CUTC: variants seen among roughly 807,000 people sequenced by gnomAD.
CUTC encodes copper homeostasis protein cutC homolog.
Under a neutral mutation model 36.2 loss-of-function variants are expected in CUTC, and 27 were observed. The observed-to-expected ratio is 0.75, with a 90% CI of 0.55 to 1.03. The LOEUF (loss-of-function observed/expected upper bound fraction) is 1.03. Ranked by LOEUF, CUTC falls within the 50% of genes least tolerant of loss-of-function variation. CUTC has a pLI of 0.00. For missense variants in CUTC, 315 were observed against 343.5 expected, an observed-to-expected ratio of 0.92 and a Z score of 0.66; for synonymous variants, 114 against 118.3, an observed-to-expected ratio of 0.96 and a Z score of 0.24.
At chr10:99,750,318 A>C in intron 6 of CUTC, 51 bp from the exon 7 acceptor site, 1 of 1,422,120 alleles carries the variant, frequency 7.0e-7, no homozygotes, top group South Asian at 1.2e-5. Flanking sequence ...TTATTATCCC[A>C]TTCAAGAGAA....
At chr10:99,750,886 T>C (rs968193508) in intron 7 of CUTC, among the ~76,000 whole-genome samples, 1 of 152,240 alleles carries the variant, frequency 6.6e-6, no homozygotes, top group Non-Finnish European at 1.5e-5. Context: ...TTTAATCATA[T>C]GATCCTGATG....
chr10:99,742,717 A>T (rs1056487315), intron 3 of CUTC, among the ~76,000 whole-genome samples: 43 of 152,290 alleles, frequency 2.8e-4, no homozygotes, highest in African/African-American at 1.0e-3. Flanking sequence ...TAAAAAAAAA[A>T]AAAAAAGGTT....
In CUTC at chr10:99,739,757, A is replaced by G. The variant is rs1435135523; in HGVS notation, c.181A>G (p.Thr61Ala). The G allele has an allele frequency of 3.1e-6, 5 of 1,610,874 alleles. No homozygotes were observed. Among genetic ancestry groups the G allele is most frequent in the African/African-American group, 1.3e-5 (1 of 74,770 alleles). Residue 61 changes from threonine to alanine, a missense_variant, in exon 3 of 9, where the codon ACA becomes GCA. By Grantham distance (58) the Thr-to-Ala change is moderately conservative. Transcript: ENST00000370476. ...TTCTGGTTTATCAGAGGGGGGAACT[A>G]CACCCAGCATGGGTAAGTGTCCATT... The part of the protein sequence containing the change: ...LCSGLSEGGT[T>A]PSMGVLQVVK...
In CUTC at chr10:99,734,910, A is replaced by C. The variant is rs2037282123; in HGVS notation, c.62-1336A>C. Reference sequence around the variant, plus strand: ...TTGAGTGCAGGAGTTTGAGACCAGCATGGGCAACATGGCGAAACCCCATCT... The same window carrying C: ...TTGAGTGCAGGAGTTTGAGACCAGCCTGGGCAACATGGCGAAACCCCATCT... On this transcript the variant is annotated intron_variant, in intron 1 of 8. Coordinates refer to ENST00000370476, the MANE Select transcript of CUTC (RefSeq NM_015960.3). 5.3e-5 allele frequency among the ~76,000 whole-genome samples: 8 copies of C among 151,900 alleles called. No individual in the cohort carries two copies. The South Asian group carries it at 1.7e-3, about 32-fold the overall frequency.
chr10:99,739,550 G>A (rs994354085), intron 2 of CUTC, among the ~76,000 whole-genome samples, 160 bp from the exon 3 acceptor site: 9 of 152,160 alleles, frequency 5.9e-5, no homozygotes, highest in African/African-American at 2.2e-4. Context: ...GCAGAGTATA[G>A]CTGAGTTAAA....
chr10:99,735,496 C>T (rs1338244909), intron 1 of CUTC, among the ~76,000 whole-genome samples: 1 of 152,176 alleles, frequency 6.6e-6, no homozygotes, highest in East Asian at 1.9e-4. Context: ...CAACCTCCAC[C>T]TCCTGGGTTC....
At chr10:99,743,426 G>C in intron 4 of CUTC, 64 bp downstream of exon 4, 1 of 1,455,622 alleles carries the variant, frequency 6.9e-7, no homozygotes, top group Non-Finnish European at 9.6e-7. Flanking sequence ...TCACAATATA[G>C]AAAAACAACA....
In CUTC at chr10:99,732,352, A is replaced by G; in HGVS notation, c.4A>G (p.Lys2Glu). Reference sequence around the variant, plus strand: ...ACGAGGGAGGAACGCGTGGAGCATGAAAAGGCAGGGGGCCTCCTCTGAGCG... The same window carrying G: ...ACGAGGGAGGAACGCGTGGAGCATGGAAAGGCAGGGGGCCTCCTCTGAGCG... M[K>E]RQGASSERKR... Residue 2 changes from lysine to glutamate, a missense_variant, in exon 1 of 9, where the codon AAA becomes GAA. Transcript: ENST00000370476. 3 of 1,552,822 alleles carry G rather than the reference A, an allele frequency of 1.9e-6. No individual in the cohort carries two copies. The highest frequency in any genetic ancestry group is 2.6e-6 in the Non-Finnish European group (3 of 1,147,876).
chr10:99,733,436 AAAGC>A (rs1374846835), intron 1 of CUTC, among the ~76,000 whole-genome samples: 1 of 152,172 alleles, frequency 6.6e-6, no homozygotes, highest in Non-Finnish European at 1.5e-5. Context: ...AACAACAAAA[AAAGC>A]AAAAGAGTGG....
At chr10:99,738,911 G>C (rs766116226) in intron 2 of CUTC, among the ~76,000 whole-genome samples, 14 of 152,092 alleles carry the variant, frequency 9.2e-5, no homozygotes, top group Non-Finnish European at 1.9e-4. Context: ...GCAAAATGGT[G>C]ACATTTATTT....
rs193300411 is a variant in CUTC, at chr10:99,746,498, C to T, written c.440-759C>T. ...CTGTATAACAAACCTGCACTTGTACCCCTGAACTTAAAAAAAAGTTAAAAA... is the reference window on the plus strand; with the variant it reads ...CTGTATAACAAACCTGCACTTGTACTCCTGAACTTAAAAAAAAGTTAAAAA... On this transcript the variant is annotated intron_variant, in intron 5 of 8. Transcript: ENST00000370476. 1.6e-4 allele frequency among the ~76,000 whole-genome samples: 25 copies of T among 151,838 alleles called. No individual in the cohort carries two copies. The East Asian group carries it at 2.5e-3, about 15-fold the overall frequency.
chr10:99,744,156 C>A, intron 5 of CUTC, 84 bp downstream of exon 5: 2 of 1,138,352 alleles, frequency 1.8e-6, no homozygotes, highest in Non-Finnish European at 2.6e-6. Flanking sequence ...TTATGGAACA[C>A]AATTCTGTAG....
intron 7 of CUTC, among the ~76,000 whole-genome samples, chr10:99,750,692 T>C (rs374610364): frequency 2.0e-5 from 3 of 152,214 alleles, no homozygotes; most frequent in East Asian, 3.8e-4. Flanking sequence ...TATAGAACTT[T>C]ATGAATTCAG....
intron 2 of CUTC, among the ~76,000 whole-genome samples, chr10:99,737,141 G>A (rs1041423116): frequency 2.0e-5 from 3 of 151,914 alleles, no homozygotes; most frequent in Non-Finnish European, 2.9e-5. Context: ...GTGGTGGTGA[G>A]CACCTGTAGT....
intron 1 of CUTC, among the ~76,000 whole-genome samples, chr10:99,733,909 G>A (rs1033423408): frequency 6.6e-6 from 1 of 152,030 alleles, no homozygotes; most frequent in Non-Finnish European, 1.5e-5. Context: ...CTTGTGTGAG[G>A]CAAATAGTCC....
intron 6 of CUTC, among the ~76,000 whole-genome samples, chr10:99,749,933 TTTC>T (rs1346384074): frequency 6.6e-5 from 10 of 152,132 alleles, no homozygotes; most frequent in African/African-American, 1.9e-4. Context: ...AGGAAAAACT[TTTC>T]TTCTATCCTC....
chr10:99,745,454 T>A (rs561026462), intron 5 of CUTC, among the ~76,000 whole-genome samples: 2 of 152,324 alleles, frequency 1.3e-5, no homozygotes, highest in Non-Finnish European at 2.9e-5. Context: ...AGGCTAGAGC[T>A]TCAATGTCAT....
At chr10:99,733,431 C>A (rs113053507) in intron 1 of CUTC, among the ~76,000 whole-genome samples, 1,707 of 151,450 alleles carry the variant, frequency 0.011, 21 homozygotes, top group Non-Finnish European at 0.015. Flanking sequence ...ACAACAACAA[C>A]AAAAAAAGCA....
chr10:99,737,147 G>A (rs1161595853), intron 2 of CUTC, among the ~76,000 whole-genome samples: 4 of 152,066 alleles, frequency 2.6e-5, no homozygotes, highest in Admixed American at 2.6e-4. Flanking sequence ...GTGAGCACCT[G>A]TAGTCCCAGC....
Sources: gnomAD v4.1 joint callset for allele counts (sites outside exome capture counted in the v4.1 genomes callset) on GRCh38, gnomAD v4.1.1 for gene constraint, MANE v1.5 for transcripts, NCBI Gene and HGNC (gene_info 2026-07-23, HGNC 2026-07-21) for gene names.